EDIL3: variants seen among roughly 807,000 people sequenced by gnomAD.
EDIL3 encodes EGF-like repeat and discoidin I-like domain-containing protein 3.
EDIL3 carries 37 observed loss-of-function variants against 67.4 expected under a neutral mutation model. That is an observed-to-expected ratio of 0.55 (90% CI 0.42 to 0.72). EDIL3 has a LOEUF of 0.72. Ranked by LOEUF, EDIL3 falls within the 30% of genes least tolerant of loss-of-function variation. The pLI, the probability that EDIL3 is intolerant of heterozygous loss-of-function variation, is 0.00. For synonymous variants in EDIL3, 195 were observed against 196.3 expected (o/e 0.99, Z 0.05); for missense variants, 527 against 586.3 (o/e 0.90, Z 1.04).
chr5:84,338,860 A>G (rs935369671), intron 1 of EDIL3, among the ~76,000 whole-genome samples: 6 of 152,170 alleles, frequency 3.9e-5, no homozygotes, highest in African/African-American at 1.4e-4. Context: ...CATACTTTCA[A>G]GGGCCTTGCA....
chr5:84,142,331 G>T (rs1369177766), intron 4 of EDIL3, among the ~76,000 whole-genome samples: 3 of 151,948 alleles, frequency 2.0e-5, no homozygotes, highest in African/African-American at 7.2e-5. Context: ...CCGCTAGTTG[G>T]CCAGAGATGA....
intron 1 of EDIL3, among the ~76,000 whole-genome samples, chr5:84,323,382 T>C (rs10473885): frequency 0.41 from 62,135 of 151,486 alleles, 13,010 homozygotes; most frequent in South Asian, 0.49. Context: ...TAAAATGCTG[T>C]CCCCATAGTA....
rs1316684797 is a variant in EDIL3 at position 84,064,730 on chromosome 5, G to T, written c.922C>A (p.Arg308=). 2 of 1,612,564 alleles carry T rather than the reference G, an allele frequency of 1.2e-6. No individual in the cohort carries two copies. The highest frequency in any genetic ancestry group is 8.5e-7 in the Non-Finnish European group (1 of 1,179,104). ...AGTTCACAGCCAAGAAGTTCCATTCGCAAAGTGCAATGTCTTCGACAAACT... is the reference window on the plus strand; with the variant it reads ...AGTTCACAGCCAAGAAGTTCCATTCTCAAAGTGCAATGTCTTCGACAAACT... ...PQVCRRHCTL[R]MELLGCELSG... Residue 308 remains arginine, a synonymous_variant, in exon 8 of 11, where the codon CGA becomes AGA. Transcript: ENST00000296591.
intron 1 of EDIL3, among the ~76,000 whole-genome samples, chr5:84,288,421 C>T (rs1213151618): frequency 6.6e-6 from 1 of 152,102 alleles, no homozygotes; most frequent in African/African-American, 2.4e-5. Context: ...TAAAAAATGT[C>T]AGGTTATGCT....
intron 3 of EDIL3, among the ~76,000 whole-genome samples, chr5:84,184,620 C>G (rs758183269): frequency 6.6e-6 from 1 of 152,070 alleles, no homozygotes; most frequent in Non-Finnish European, 1.5e-5. Context: ...TGTGGCTTAT[C>G]CTGGCAGAAG....
At chr5:84,074,085 C>A (rs1200197451) in intron 6 of EDIL3, among the ~76,000 whole-genome samples, 1 of 152,096 alleles carries the variant, frequency 6.6e-6, no homozygotes, top group East Asian at 1.9e-4. Flanking sequence ...CTGAGAAAAA[C>A]AAACAATGGG....
At chr5:83,959,793 T>C (rs1254168622) in intron 10 of EDIL3, among the ~76,000 whole-genome samples, 2 of 150,906 alleles carry the variant, frequency 1.3e-5, no homozygotes, top group East Asian at 3.9e-4. Flanking sequence ...TATGAAATGA[T>C]ACATAAAATA....
At chr5:84,290,638 C>G (rs994041967) in intron 1 of EDIL3, among the ~76,000 whole-genome samples, 19 of 152,120 alleles carry the variant, frequency 1.2e-4, no homozygotes, top group African/African-American at 4.6e-4. Flanking sequence ...ACCAACAGAT[C>G]TTATAAAAAT....
At chr5:84,028,688 G>T (rs556739082) in intron 9 of EDIL3, among the ~76,000 whole-genome samples, 1 of 151,972 alleles carries the variant, frequency 6.6e-6, no homozygotes, top group South Asian at 2.1e-4. Flanking sequence ...ATATATGTAT[G>T]TATATGTGTG....
chr5:84,096,875 T>C (rs1747274053), intron 6 of EDIL3, among the ~76,000 whole-genome samples: 1 of 152,212 alleles, frequency 6.6e-6, no homozygotes. Flanking sequence ...CATGCTATTC[T>C]CATGATAGTG....
chr5:83,965,412 C>T (rs1027172665), intron 9 of EDIL3, among the ~76,000 whole-genome samples: 34 of 152,090 alleles, frequency 2.2e-4, no homozygotes. Flanking sequence ...CAGGGCAAAG[C>T]TGCTCTTCTT....
intron 6 of EDIL3, among the ~76,000 whole-genome samples, chr5:84,103,789 G>A (rs1005367299): frequency 6.6e-6 from 1 of 151,944 alleles, no homozygotes; most frequent in African/African-American, 2.4e-5. Context: ...TTATTTCAAC[G>A]ATTGTGGAAA....
At chr5:83,965,702 G>A (rs1308083948) in intron 9 of EDIL3, among the ~76,000 whole-genome samples, 2 of 151,974 alleles carry the variant, frequency 1.3e-5, no homozygotes, top group Admixed American at 6.6e-5. Context: ...CCCAAGTTGT[G>A]TGTCTTGGCA....
chr5:84,289,417 G>A (rs1457252046), intron 1 of EDIL3, among the ~76,000 whole-genome samples: 1 of 152,144 alleles, frequency 6.6e-6, no homozygotes, highest in Non-Finnish European at 1.5e-5. Flanking sequence ...CATGAGGAGA[G>A]ATTTTACCTC....
chr5:84,226,479 A>C (rs552176176), intron 3 of EDIL3, among the ~76,000 whole-genome samples: 19 of 151,944 alleles, frequency 1.3e-4, no homozygotes, highest in Admixed American at 2.6e-4. Context: ...ATGAACTCAA[A>C]AATCTCAATC....
chr5:84,077,456 T>G (rs1746882685), intron 6 of EDIL3, among the ~76,000 whole-genome samples: 1 of 152,178 alleles, frequency 6.6e-6, no homozygotes, highest in Non-Finnish European at 1.5e-5. Context: ...TTTAATGGAC[T>G]CACAGTTCCA....
At chr5:84,024,609 G>A (rs1745779398) in intron 9 of EDIL3, among the ~76,000 whole-genome samples, 1 of 152,198 alleles carries the variant, frequency 6.6e-6, no homozygotes, top group South Asian at 2.1e-4. Context: ...GCACTGACAA[G>A]GAATCAGAAT....
In EDIL3 at chr5:84,066,476, T is replaced by C; in HGVS notation, c.782A>G (p.Lys261Arg). 6 of 1,608,694 alleles carry C rather than the reference T, an allele frequency of 3.7e-6. No homozygotes were observed. The highest frequency in any genetic ancestry group is 5.1e-6 in the Non-Finnish European group (6 of 1,178,682). Residue 261 changes from lysine (K) to arginine (R), a missense_variant, in exon 7 of 11, where the codon AAA (lysine) becomes AGA (arginine). Lys to Arg is a conservative substitution (Grantham distance 26). This residue lies in a region of EDIL3 where 494 missense variants were observed against 522.5 expected (regional missense o/e 0.95). Transcript: ENST00000296591. Reference sequence around the variant, plus strand: ...CATGTCTTCATTGGTGCCTTTCACTTTGTACATTGCCCAAGTCTTTCCATC... The same window carrying C: ...CATGTCTTCATTGGTGCCTTTCACTCTGTACATTGCCCAAGTCTTTCCATC... ...SNDGKTWAMY[K>R]VKGTNEDMVF...
chr5:84,354,489 T>A (rs376620251), intron 1 of EDIL3, among the ~76,000 whole-genome samples: 51 of 152,014 alleles, frequency 3.4e-4, no homozygotes, highest in African/African-American at 1.0e-3. Context: ...AAACCCTGTC[T>A]CTACTAAAAA....
Sources: gnomAD v4.1 joint callset for allele counts (sites outside exome capture counted in the v4.1 genomes callset) on GRCh38, gnomAD v4.1.1 for gene constraint, gnomAD v4.1.1 regional missense constraint, MANE v1.5 for transcripts, NCBI Gene and HGNC (gene_info 2026-07-23, HGNC 2026-07-21) for gene names.